WBP1L: variants seen among roughly 807,000 people sequenced by gnomAD.
WBP1L encodes WW domain binding protein 1-like.
WBP1L carries 17 observed loss-of-function variants against 33.7 expected under a neutral mutation model. The ratio of observed to expected loss-of-function variants is 0.50; its 90% CI spans 0.34 to 0.76. WBP1L has a LOEUF of 0.76. Ranked by LOEUF, WBP1L falls within the 30% of genes least tolerant of loss-of-function variation. The pLI, the probability that WBP1L is intolerant of heterozygous loss-of-function variation, is 0.01. For synonymous variants in WBP1L, 173 were observed against 190.8 expected, an observed-to-expected ratio of 0.91 and a Z score of 0.77; for missense variants, 389 against 469.4, an observed-to-expected ratio of 0.83 and a Z score of 1.58.
In WBP1L at chr10:102,790,029, C is replaced by T. The variant is rs149443203; in HGVS notation, c.91-7964C>T. ...CTGGGATTATAGGCATGAGCCACCA[C>T]GCCCGGCCGAAATTTTGTATCTTTA... On this transcript the variant is annotated intron_variant, in intron 1 of 3. Coordinates refer to ENST00000448841, the MANE Select transcript of WBP1L (RefSeq NM_001083913.2). Among the ~76,000 whole-genome samples, 1,213 of 152,224 alleles carry T rather than the reference C, an allele frequency of 8.0e-3. 11 individuals carry two copies. Among genetic ancestry groups the T allele is most frequent in the African/African-American group, 0.028 (1,156 of 41,538 alleles).
At chr10:102,760,204 G>A (rs995166519) in intron 1 of WBP1L, among the ~76,000 whole-genome samples, 13 of 151,722 alleles carry the variant, frequency 8.6e-5, no homozygotes, top group African/African-American at 2.2e-4. Flanking sequence ...TATCTGACTC[G>A]GGGGCCAGAG....
chr10:102,746,328 T>C (rs1842864161), intron 1 of WBP1L, among the ~76,000 whole-genome samples: 1 of 152,218 alleles, frequency 6.6e-6, no homozygotes, highest in Admixed American at 6.5e-5. Context: ...ATGCTATCAC[T>C]GACCAACAGC....
chr10:102,748,861 C>T (rs559389277), intron 1 of WBP1L, among the ~76,000 whole-genome samples: 1 of 152,184 alleles, frequency 6.6e-6, no homozygotes, highest in South Asian at 2.1e-4. Context: ...AAGGAAAAAG[C>T]ATTTGTTCAG....
At position 102,744,012 on chromosome 10, in the gene WBP1L, G is replaced by A; in HGVS notation, c.-42G>A. On this transcript the variant is annotated 5_prime_UTR_variant, in exon 1 of 4. Coordinates refer to ENST00000448841, the MANE Select transcript of WBP1L (RefSeq NM_001083913.2). ...GAGGAGGAGAGGGAGGAGGAGGAGG[G>A]AGGTGGCGGCGCCGTGGCGGAGGAG... 7.0e-7 allele frequency: 1 copy of A among 1,426,188 alleles called. No individual in the cohort carries two copies. Among genetic ancestry groups the A allele is most frequent in the East Asian group, 2.5e-5 (1 of 39,908 alleles). The allele number at this position is 1,426,188 out of a possible 1,614,324, so 88.3% of individuals were successfully genotyped here. A position where few individuals can be genotyped will look rare whatever the true frequency, so the allele number is the denominator to read the frequency against.
chr10:102,772,556 C>A (rs1001416700), intron 1 of WBP1L, among the ~76,000 whole-genome samples: 1 of 126,572 alleles, frequency 7.9e-6, no homozygotes, highest in Non-Finnish European at 1.7e-5. Context: ...CCATGCCCGG[C>A]CCTTTTTTTT....
Position 102,813,061 on chromosome 10 carries a change from AGT to A in WBP1L, c.832_833del (p.Cys278GlnfsTer6). On this transcript the variant is annotated frameshift_variant, in exon 4 of 4. Coordinates refer to ENST00000448841, the MANE Select transcript of WBP1L (RefSeq NM_001083913.2). LOFTEE classifies it high-confidence loss of function. ...GCTTCACAGGTGACTCGGGCATTGA[AGT>A]GTGTGTGTGCAACCGGGGCCACCAT... is the stretch of plus-strand genomic sequence containing the variant. ...RRFTGDSGIE[V>X]CVCNRGHHDD... 3.7e-6 allele frequency: 6 copies of A among 1,613,788 alleles called. No individual in the cohort carries two copies. The South Asian group carries it at 6.6e-5, about 18-fold the overall frequency.
At chr10:102,757,887 C>CCCCTTT (rs1491483676) in intron 1 of WBP1L, among the ~76,000 whole-genome samples, 2 of 25,366 alleles carry the variant, frequency 7.9e-5, no homozygotes, top group Admixed American at 6.2e-4. Context: ...CCCCCCCCCC[C>CCCCTTT]TTTTTTTTTT....
At chr10:102,794,770 C>T (rs759619962) in intron 1 of WBP1L, among the ~76,000 whole-genome samples, 3 of 151,958 alleles carry the variant, frequency 2.0e-5, no homozygotes, top group South Asian at 2.1e-4. Context: ...TAGGGGGGTG[C>T]GAGGAGAGCT....
chr10:102,791,590 G>C (rs1454681328), intron 1 of WBP1L, among the ~76,000 whole-genome samples: 1 of 152,152 alleles, frequency 6.6e-6, no homozygotes, highest in African/African-American at 2.4e-5. Context: ...CTTGAGCCCA[G>C]GAGTTCAAGA....
intron 1 of WBP1L, among the ~76,000 whole-genome samples, chr10:102,764,586 C>G (rs1342165459): frequency 6.6e-6 from 1 of 152,170 alleles, no homozygotes; most frequent in Non-Finnish European, 1.5e-5. Flanking sequence ...ATGATGCCCT[C>G]TCTGGTTTCA....
chr10:102,785,841 G>A (rs1459251189), intron 1 of WBP1L, among the ~76,000 whole-genome samples: 1 of 152,180 alleles, frequency 6.6e-6, no homozygotes, highest in African/African-American at 2.4e-5. Context: ...AATTCCTGGG[G>A]ACTGCTTTTC....
intron 2 of WBP1L, among the ~76,000 whole-genome samples, chr10:102,798,745 A>G (rs1843608883): frequency 6.6e-6 from 1 of 152,124 alleles, no homozygotes; most frequent in Admixed American, 6.5e-5. Flanking sequence ...TTGCAGAGAG[A>G]GGTTGCAAGC....
chr10:102,746,403 T>A (rs929197478), intron 1 of WBP1L, among the ~76,000 whole-genome samples: 1 of 152,138 alleles, frequency 6.6e-6, no homozygotes, highest in Non-Finnish European at 1.5e-5. Context: ...GCCCTCTTCC[T>A]AACCAGCCCC....
chr10:102,775,527 CTTG>C (rs1281798387), intron 1 of WBP1L, among the ~76,000 whole-genome samples: 11 of 152,276 alleles, frequency 7.2e-5, no homozygotes, highest in Admixed American at 4.6e-4. Context: ...TGCGGTGGGA[CTTG>C]TTGTACCTTT....
chr10:102,745,394 T>C (rs1368360741), intron 1 of WBP1L, among the ~76,000 whole-genome samples: 2 of 152,200 alleles, frequency 1.3e-5, no homozygotes, highest in African/African-American at 4.8e-5. Context: ...ACCACCTCTA[T>C]CTAGTTCCAA....
At chr10:102,775,039 C>T (rs1164748912) in intron 1 of WBP1L, among the ~76,000 whole-genome samples, 3 of 140,060 alleles carry the variant, frequency 2.1e-5, no homozygotes, top group Non-Finnish European at 4.5e-5. Flanking sequence ...CGCTTGAGCT[C>T]GGAAGGCAGA....
At chr10:102,773,688 G>C (rs1182579036) in intron 1 of WBP1L, among the ~76,000 whole-genome samples, 1 of 151,900 alleles carries the variant, frequency 6.6e-6, no homozygotes, top group Non-Finnish European at 1.5e-5. Flanking sequence ...AAGAGTTCAA[G>C]CCTGGACAAC....
intron 2 of WBP1L, among the ~76,000 whole-genome samples, chr10:102,802,870 A>G (rs1457348531): frequency 6.6e-6 from 1 of 152,228 alleles, no homozygotes; most frequent in Non-Finnish European, 1.5e-5. Context: ...AACCCTGCCC[A>G]TCTATGGTTA....
chr10:102,807,744 A>G (rs1415782427), intron 2 of WBP1L, among the ~76,000 whole-genome samples: 1 of 151,864 alleles, frequency 6.6e-6, no homozygotes, highest in Non-Finnish European at 1.5e-5. Context: ...ATTTAATATC[A>G]GAAACTCTTT....
Sources: gnomAD v4.1 joint callset for allele counts (sites outside exome capture counted in the v4.1 genomes callset) on GRCh38, gnomAD v4.1.1 for gene constraint, MANE v1.5 for transcripts, NCBI Gene and HGNC (gene_info 2026-07-23, HGNC 2026-07-21) for gene names.